Variants in LARGE1 observed in about 807,000 individuals in gnomAD.
LARGE1 encodes the protein LARGE xylosyl- and glucuronyltransferase 1, also known as xylosyl- and glucuronyltransferase LARGE1.
A neutral mutation model predicts 87.6 loss-of-function variants in LARGE1; 43 were observed. The observed-to-expected ratio is 0.49, with a 90% confidence interval of 0.38 to 0.63. The LOEUF (loss-of-function observed/expected upper bound fraction) is 0.63. LARGE1 is among the 30% of genes least tolerant of loss of function. The probability of loss-of-function intolerance (pLI) is 0.00; values close to 1 mark genes in which losing one functional copy is unlikely to be tolerated. For synonymous variants in LARGE1, 434 were observed against 394.6 expected, an observed-to-expected ratio of 1.10 and a Z score of -1.18; for missense variants, 802 against 1,000.2, an observed-to-expected ratio of 0.80 and a Z score of 2.67.
Position 33,887,038 on chromosome 22 carries a change from G to T in LARGE1, c.-83+32957C>A, listed in dbSNP as rs150782379. On this transcript the variant is annotated intron_variant, in intron 1 of 14. Coordinates refer to ENST00000397394, the MANE Select transcript of LARGE1 (RefSeq NM_133642.5). Reference sequence around the variant, plus strand: ...AGGGTGAAAAAGCGGTAATTAAACAGAGACCTGGGTCAGAGCAGGGGTTAT... The same window carrying T: ...AGGGTGAAAAAGCGGTAATTAAACATAGACCTGGGTCAGAGCAGGGGTTAT... Among the ~76,000 whole-genome samples, 1,172 of 152,336 alleles carry T rather than the reference G, an allele frequency of 7.7e-3. 17 individuals carry two copies. Among genetic ancestry groups the T allele is most frequent in the African/African-American group, 0.027 (1,108 of 41,574 alleles).
chr22:33,375,227 G>A (rs2064952820), intron 9 of LARGE1, among the ~76,000 whole-genome samples: 2 of 152,312 alleles, frequency 1.3e-5, no homozygotes, highest in Admixed American at 1.3e-4. Context: ...GCTGTCTATA[G>A]TGCACAATGA....
chr22:33,867,073 G>A (rs1401607606), intron 1 of LARGE1, among the ~76,000 whole-genome samples: 3 of 152,170 alleles, frequency 2.0e-5, no homozygotes, highest in Admixed American at 1.3e-4. Flanking sequence ...TGAATGGATG[G>A]ATGGATAGAT....
At chr22:33,686,573 T>C (rs927315767) in intron 2 of LARGE1, among the ~76,000 whole-genome samples, 4 of 22,392 alleles carry the variant, frequency 1.8e-4, no homozygotes, top group African/African-American at 7.5e-4. Context: ...AAAACAAAAA[T>C]GATATGAATA....
chr22:33,374,449 G>A lies in LARGE1; in HGVS notation c.1131+7470C>T, dbSNP rs116937890. ...TTGAAAGCACTAAGATTCCACGTAA[G>A]TTTCTCTATCGTCTTTTGATAATCA... On this transcript the variant is annotated intron_variant, in intron 9 of 14. Coordinates refer to ENST00000397394, the MANE Select transcript of LARGE1 (RefSeq NM_133642.5). Among the ~76,000 whole-genome samples the A allele has an allele frequency of 1.6e-4, 25 of 152,284 alleles. No individual in the cohort carries two copies. In the East Asian group the frequency reaches 4.4e-3, roughly 27 times the overall value.
intron 2 of LARGE1, among the ~76,000 whole-genome samples, chr22:33,754,451 C>A (rs1435916943): frequency 6.6e-6 from 1 of 151,818 alleles, no homozygotes; most frequent in African/African-American, 2.4e-5. Context: ...TTCACCTGCC[C>A]CAGCCTCCCA....
At chr22:33,589,566 C>T (rs567846342) in intron 5 of LARGE1, among the ~76,000 whole-genome samples, 1 of 150,510 alleles carries the variant, frequency 6.6e-6, no homozygotes, top group Non-Finnish European at 1.5e-5. Context: ...ATTTTTCTTA[C>T]TTCACAGAAT....
intron 5 of LARGE1, among the ~76,000 whole-genome samples, chr22:33,581,788 G>A (rs1409255336): frequency 6.7e-6 from 1 of 150,186 alleles, no homozygotes; most frequent in Non-Finnish European, 1.5e-5. Flanking sequence ...CTCCAGTCTG[G>A]GTGACAGAGT....
chr22:33,384,305 C>G lies in LARGE1; in HGVS notation c.893-1G>C. 2 of 1,608,058 alleles carry G rather than the reference C, an allele frequency of 1.2e-6. No individual in the cohort carries two copies. The highest frequency in any genetic ancestry group is 1.7e-4 in the Middle Eastern group (1 of 5,908). ...TTATCCAGAAGTAACAGGATCACCC[C>G]TGGGCAACAGCACAGGATAAAAGAG... On this transcript the variant is annotated splice_acceptor_variant, in intron 7 of 14. Coordinates refer to ENST00000397394, the MANE Select transcript of LARGE1 (RefSeq NM_133642.5). LOFTEE classifies it high-confidence loss of function.
chr22:33,637,600 ACTT>A (rs2080306631), intron 3 of LARGE1, among the ~76,000 whole-genome samples: 1 of 82,810 alleles, frequency 1.2e-5, no homozygotes, highest in East Asian at 2.8e-4. Flanking sequence ...GTAGCTTTTT[ACTT>A]CTTCTGTTTA....
intron 12 of LARGE1, among the ~76,000 whole-genome samples, chr22:33,286,111 A>G (rs5749597): frequency 0.29 from 44,836 of 152,168 alleles, 11,078 homozygotes; most frequent in African/African-American, 0.68. Context: ...CAGAGTGTGG[A>G]CGAGCTCTAC....
At chr22:33,791,135 G>C (rs920776681) in intron 1 of LARGE1, among the ~76,000 whole-genome samples, 4 of 152,178 alleles carry the variant, frequency 2.6e-5, no homozygotes, top group African/African-American at 9.7e-5. Context: ...ATAAGTAAAT[G>C]AGAAAAGCTC....
intron 6 of LARGE1, among the ~76,000 whole-genome samples, chr22:33,448,819 A>G (rs962983153): frequency 1.3e-5 from 2 of 152,064 alleles, no homozygotes; most frequent in Admixed American, 6.5e-5. Context: ...AACTGGGTGC[A>G]GTCATGGGTA....
chr22:33,125,834 G>A, the LARGE1 span, among the ~76,000 whole-genome samples: 2 of 152,068 alleles, frequency 1.3e-5, no homozygotes, highest in Admixed American at 6.6e-5. Flanking sequence ...TGTAACTTCC[G>A]CTTCCTGGGT....
chr22:33,688,201 G>C (rs1169668460), intron 2 of LARGE1, among the ~76,000 whole-genome samples: 1 of 152,208 alleles, frequency 6.6e-6, no homozygotes, highest in Non-Finnish European at 1.5e-5. Flanking sequence ...GGTGAGAAGA[G>C]TCCCTCCCTC....
intron 6 of LARGE1, among the ~76,000 whole-genome samples, chr22:33,501,502 G>A (rs2148368424): frequency 6.6e-6 from 1 of 152,322 alleles, no homozygotes; most frequent in African/African-American, 2.4e-5. Flanking sequence ...TGAATATAGA[G>A]TGGGAGATGG....
At chr22:33,738,123 T>C (rs5999077) in intron 2 of LARGE1, among the ~76,000 whole-genome samples, 11,253 of 152,212 alleles carry the variant, frequency 0.074, 1,350 homozygotes, top group African/African-American at 0.26. Context: ...CGAATTTGGT[T>C]CTTAGCGCTA....
chr22:33,208,327 C>G (rs1484449057), intron 11 of LARGE1, among the ~76,000 whole-genome samples: 4 of 152,064 alleles, frequency 2.6e-5, no homozygotes, highest in Non-Finnish European at 5.9e-5. Context: ...TATGTCAGTC[C>G]CCTTCACCTT....
chr22:33,218,692 A>G (rs965606334), intron 11 of LARGE1, among the ~76,000 whole-genome samples: 20 of 152,172 alleles, frequency 1.3e-4, no homozygotes, highest in Admixed American at 6.5e-5. Context: ...TGATCCTTTT[A>G]TCAACCTGAT....
chr22:33,325,909 G>A (rs1266618395), intron 10 of LARGE1, among the ~76,000 whole-genome samples: 1 of 152,164 alleles, frequency 6.6e-6, no homozygotes, highest in Non-Finnish European at 1.5e-5. Flanking sequence ...GACAGATGAG[G>A]GCCCAAGGTG....
Sources: allele counts gnomAD v4.1 joint callset (sites outside exome capture counted in the v4.1 genomes callset), GRCh38; gene constraint gnomAD v4.1.1; transcripts MANE v1.5; gene names NCBI Gene and HGNC (gene_info 2026-07-23, HGNC 2026-07-21).